The following SNTG1 variants were observed in gnomAD, a reference collection of about 807,000 sequenced individuals.
SNTG1 encodes the protein syntrophin gamma 1, also known as gamma-1-syntrophin.
Under a neutral mutation model 74.7 loss-of-function variants are expected in SNTG1, and 39 were observed. That is an observed-to-expected ratio of 0.52 (90% CI 0.40 to 0.68). SNTG1 has a LOEUF of 0.68. SNTG1 is among the 30% of genes least tolerant of loss of function. The pLI is 0.00. For synonymous variants in SNTG1, 254 were observed against 217.1 expected (o/e 1.17, Z -1.49); for missense variants, 685 against 609.5 (o/e 1.12, Z -1.30).
chr8:50,363,964 G>A (rs1187861487), intron 2 of SNTG1, among the ~76,000 whole-genome samples: 1 of 152,172 alleles, frequency 6.6e-6, no homozygotes. Flanking sequence ...CACGCCTCAG[G>A]CATGGAGGAA....
chr8:50,251,583 T>C (rs922828445), intron 2 of SNTG1, among the ~76,000 whole-genome samples: 4 of 151,920 alleles, frequency 2.6e-5, no homozygotes, highest in Admixed American at 6.6e-5. Context: ...CGCATACTTA[T>C]ATCAGATAAA....
At chr8:49,969,901 A>G (rs992725602) in intron 1 of SNTG1, among the ~76,000 whole-genome samples, 4 of 139,184 alleles carry the variant, frequency 2.9e-5, no homozygotes, top group African/African-American at 1.1e-4. Flanking sequence ...CTGCTTTTTG[A>G]TGGTGGAATA....
At chr8:50,215,020 C>T (rs1197886626) in intron 2 of SNTG1, among the ~76,000 whole-genome samples, 4 of 152,114 alleles carry the variant, frequency 2.6e-5, no homozygotes, top group African/African-American at 7.2e-5. Flanking sequence ...TCTTCCAATT[C>T]TGAGAATCAA....
chr8:50,623,230 G>A (rs1225179377), intron 13 of SNTG1, among the ~76,000 whole-genome samples: 3 of 152,000 alleles, frequency 2.0e-5, no homozygotes, highest in Non-Finnish European at 4.4e-5. Context: ...GCAAAAGTGG[G>A]CCACCTTGTC....
At chr8:50,513,621 G>A (rs1382048424) in intron 9 of SNTG1, among the ~76,000 whole-genome samples, 1 of 152,210 alleles carries the variant, frequency 6.6e-6, no homozygotes, top group African/African-American at 2.4e-5. Flanking sequence ...AATGGCGGAT[G>A]CCCCTCCCCA....
chr8:50,413,477 C>T (rs1228376510), intron 4 of SNTG1, among the ~76,000 whole-genome samples: 2 of 152,194 alleles, frequency 1.3e-5, no homozygotes. Flanking sequence ...ACTGTCTCTT[C>T]TTTCTGAGTG....
chr8:49,961,974 G>C (rs1378367207), intron 1 of SNTG1, among the ~76,000 whole-genome samples: 1 of 152,226 alleles, frequency 6.6e-6, no homozygotes, highest in Non-Finnish European at 1.5e-5. Flanking sequence ...GGGAGTTTGA[G>C]AATGGCAAGA....
intron 1 of SNTG1, among the ~76,000 whole-genome samples, chr8:50,167,333 TAA>T (rs34145193): frequency 1.5e-3 from 214 of 139,388 alleles, no homozygotes; most frequent in African/African-American, 5.2e-3. Context: ...TAAAATAAAA[TAA>T]AAAAAAAAAT....
At chr8:50,658,839 A>G (rs559296267) in intron 15 of SNTG1, among the ~76,000 whole-genome samples, 176 bp downstream of exon 15, 1 of 152,340 alleles carries the variant, frequency 6.6e-6, no homozygotes, top group East Asian at 1.9e-4. Context: ...TAGAATGCAC[A>G]GAAGTGCACT....
At chr8:50,301,595 A>G (rs1002538536) in intron 2 of SNTG1, among the ~76,000 whole-genome samples, 2 of 152,040 alleles carry the variant, frequency 1.3e-5, no homozygotes, top group East Asian at 3.9e-4. Context: ...TTGATTACTG[A>G]CACCTTTCTA....
chr8:49,977,248 G>A lies in SNTG1; in HGVS notation c.-103+65017G>A, dbSNP rs188397274. The stretch of plus-strand genomic sequence containing the variant: ...CTGCAAAGCATGTTTAACTTCTTGT[G>A]CTAGACCCATAAATAATTTAGACTG... On this transcript the variant is annotated intron_variant, in intron 1 of 18. Transcript: ENST00000642720. Among the ~76,000 whole-genome samples, 9 of 151,968 alleles carry A rather than the reference G, an allele frequency of 5.9e-5. No individual in the cohort carries two copies. In the East Asian group the frequency reaches 1.7e-3, roughly 29 times the overall value.
rs748074647 is a variant in SNTG1, at chr8:50,536,781, A to C, written c.653A>C (p.Gln218Pro). ...LIPLLHSRFSQYVPGTDLSRQ... is the reference protein window; with the variant it reads ...LIPLLHSRFSPYVPGTDLSRQ... ...CCTCTACTTCATTCGCGCTTCTCTC[A>C]GTATGTGCCCGGCACAGATTTGAGT... Residue 218 changes from glutamine (Q) to proline (P), a missense_variant, in exon 11 of 19, where the codon CAG becomes CCG. Gln to Pro is a moderately conservative substitution (Grantham distance 76). Transcript: ENST00000642720. 6.2e-7 allele frequency: 1 copy of C among 1,613,908 alleles called. No individual in the cohort carries two copies. Among genetic ancestry groups the C allele is most frequent in the African/African-American group, 1.3e-5 (1 of 74,936 alleles).
At chr8:50,280,883 G>T (rs1281828027) in intron 2 of SNTG1, among the ~76,000 whole-genome samples, 1 of 151,614 alleles carries the variant, frequency 6.6e-6, no homozygotes, top group African/African-American at 2.4e-5. Flanking sequence ...GCCCAGCAAG[G>T]TGGCTCACGC....
chr8:50,785,835 C>T (rs2095673277), intron 18 of SNTG1, among the ~76,000 whole-genome samples: 1 of 151,842 alleles, frequency 6.6e-6, no homozygotes, highest in Non-Finnish European at 1.5e-5. Context: ...TGGTATATAT[C>T]CCTGGAATGT....
intron 1 of SNTG1, among the ~76,000 whole-genome samples, chr8:50,040,094 G>A (rs1466894591): frequency 6.6e-6 from 1 of 152,104 alleles, no homozygotes; most frequent in Non-Finnish European, 1.5e-5. Flanking sequence ...ACAGAGAAGT[G>A]GACAGGCAAG....
intron 18 of SNTG1, among the ~76,000 whole-genome samples, chr8:50,766,339 C>A (rs575178103): frequency 8.6e-5 from 13 of 151,926 alleles, no homozygotes; most frequent in Non-Finnish European, 1.6e-4. Context: ...TGGTTTCTTA[C>A]AGTATTTCAA....
intron 1 of SNTG1, among the ~76,000 whole-genome samples, chr8:49,940,276 G>A (rs542014053): frequency 6.6e-6 from 1 of 152,276 alleles, no homozygotes; most frequent in South Asian, 2.1e-4. Context: ...GAAAGACAGA[G>A]GATCCCAGCA....
chr8:50,316,750 T>C (rs1210144306), intron 2 of SNTG1, among the ~76,000 whole-genome samples: 1 of 152,110 alleles, frequency 6.6e-6, no homozygotes, highest in Admixed American at 6.5e-5. Context: ...ACATAGATAA[T>C]ACAATGAGAA....
At chr8:50,557,649 A>G (rs868224853) in intron 12 of SNTG1, among the ~76,000 whole-genome samples, 10 of 152,114 alleles carry the variant, frequency 6.6e-5, no homozygotes, top group Admixed American at 1.3e-4. Flanking sequence ...AACACTTGTC[A>G]TTGGTCCCAG....
Sources: gnomAD v4.1 joint callset for allele counts (sites outside exome capture counted in the v4.1 genomes callset) on GRCh38, gnomAD v4.1.1 for gene constraint, MANE v1.5 for transcripts, NCBI Gene and HGNC (gene_info 2026-07-23, HGNC 2026-07-21) for gene names.